SLC24A3: variants seen among roughly 807,000 people sequenced by gnomAD.
SLC24A3 encodes sodium/potassium/calcium exchanger 3.
SLC24A3 carries 28 observed loss-of-function variants against 75.8 expected under a neutral mutation model. That is an observed-to-expected ratio of 0.37 (90% CI 0.27 to 0.51). The LOEUF is 0.51. Ranked by LOEUF, SLC24A3 falls within the 20% of genes least tolerant of loss-of-function variation. SLC24A3 has a pLI of 0.94. For synonymous variants in SLC24A3, 372 were observed against 334.1 expected, an observed-to-expected ratio of 1.11 and a Z score of -1.24; for missense variants, 663 against 847.8, an observed-to-expected ratio of 0.78 and a Z score of 2.71.
chr20:19,513,736 TA>T (rs1224092846), intron 2 of SLC24A3, among the ~76,000 whole-genome samples: 1,457 of 123,286 alleles, frequency 0.012, 12 homozygotes, highest in Non-Finnish European at 0.015. Context: ...GCTTTTTTTT[TA>T]GAAAAAAAAA....
chr20:19,451,717 A>G (rs1987484162), intron 2 of SLC24A3, among the ~76,000 whole-genome samples: 1 of 152,210 alleles, frequency 6.6e-6, no homozygotes, highest in Admixed American at 6.5e-5. Context: ...AATAACTTTC[A>G]AGTGGTTTCT....
intron 2 of SLC24A3, among the ~76,000 whole-genome samples, chr20:19,371,571 T>C (rs2122357211): frequency 6.6e-6 from 1 of 152,258 alleles, no homozygotes; most frequent in East Asian, 1.9e-4. Context: ...GTCCCCCAGG[T>C]TCCTACCATT....
chr20:19,717,771 C>T (rs1460065042), intron 16 of SLC24A3, among the ~76,000 whole-genome samples, 178 bp downstream of exon 16: 1 of 152,166 alleles, frequency 6.6e-6, no homozygotes, highest in Non-Finnish European at 1.5e-5. Flanking sequence ...CACCTTCTCC[C>T]TTTCTGAAAG....
chr20:19,296,268 C>CT (rs35229035), intron 2 of SLC24A3, among the ~76,000 whole-genome samples: 4,900 of 72,182 alleles, frequency 0.068, 771 homozygotes, highest in African/African-American at 0.22. Context: ...AGCTAGTGGT[C>CT]TTTTTTTTTT....
At chr20:19,485,648 T>C (rs1421391613) in intron 2 of SLC24A3, among the ~76,000 whole-genome samples, 1 of 152,092 alleles carries the variant, frequency 6.6e-6, no homozygotes, top group Admixed American at 6.5e-5. Context: ...ATACATACAC[T>C]TTTTTAGAGT....
chr20:19,227,290 T>C (rs1237852411), intron 1 of SLC24A3, among the ~76,000 whole-genome samples: 1 of 152,230 alleles, frequency 6.6e-6, no homozygotes. Flanking sequence ...TCATATCCAG[T>C]CTTCATTTTC....
chr20:19,391,144 G>T (rs1344007845), intron 2 of SLC24A3, among the ~76,000 whole-genome samples: 1 of 152,200 alleles, frequency 6.6e-6, no homozygotes, highest in Non-Finnish European at 1.5e-5. Flanking sequence ...TCTTGTTCTG[G>T]TGTTTAACAG....
intron 3 of SLC24A3, among the ~76,000 whole-genome samples, chr20:19,548,536 AT>A (rs1347090119): frequency 6.6e-6 from 1 of 152,224 alleles, no homozygotes; most frequent in East Asian, 1.9e-4. Flanking sequence ...ACCATTTATC[AT>A]CTCAGATGTC....
chr20:19,551,290 G>A (rs911764095), intron 3 of SLC24A3, among the ~76,000 whole-genome samples: 5 of 152,222 alleles, frequency 3.3e-5, no homozygotes, highest in African/African-American at 9.6e-5. Context: ...TGAATTTGAA[G>A]TTGAGGAAGG....
intron 2 of SLC24A3, among the ~76,000 whole-genome samples, chr20:19,319,371 C>G (rs1045829241): frequency 1.3e-5 from 2 of 152,212 alleles, no homozygotes; most frequent in African/African-American, 4.8e-5. Flanking sequence ...TTCATAGGCT[C>G]TGCACCTGAA....
chr20:19,717,178 G>T (rs952745398), intron 15 of SLC24A3, among the ~76,000 whole-genome samples: 15 of 152,208 alleles, frequency 9.9e-5, no homozygotes, highest in African/African-American at 3.6e-4. Flanking sequence ...GTTCCCCAGA[G>T]GTAAAGGAAC....
intron 1 of SLC24A3, among the ~76,000 whole-genome samples, chr20:19,269,936 A>G (rs182142364): frequency 1.6e-4 from 24 of 151,762 alleles, no homozygotes; most frequent in African/African-American, 5.3e-4. Flanking sequence ...CTTCATCATG[A>G]CTCTTCTTCC....
chr20:19,631,695 T>C (rs537834594), intron 6 of SLC24A3, among the ~76,000 whole-genome samples: 11 of 152,254 alleles, frequency 7.2e-5, no homozygotes, highest in South Asian at 2.1e-4. Context: ...GTGTGCTTCC[T>C]ACTGAATGCT....
intron 10 of SLC24A3, among the ~76,000 whole-genome samples, chr20:19,683,652 A>C (rs2032639355): frequency 1.3e-5 from 2 of 152,228 alleles, no homozygotes; most frequent in African/African-American, 4.8e-5. Context: ...TATTGCTGAC[A>C]TTTGAAGGGC....
intron 2 of SLC24A3, among the ~76,000 whole-genome samples, chr20:19,461,529 CTTTTTTTTT>C (rs11468628): frequency 1.1e-4 from 11 of 101,426 alleles, no homozygotes; most frequent in South Asian, 3.8e-4. Flanking sequence ...TCTTTTTTTT[CTTTTTTTTT>C]TTTTTTTTTT....
intron 2 of SLC24A3, among the ~76,000 whole-genome samples, chr20:19,443,182 T>A (rs1371472346): frequency 6.6e-6 from 1 of 152,184 alleles, no homozygotes; most frequent in African/African-American, 2.4e-5. Flanking sequence ...CCTTACTGTA[T>A]AAACTCTGGA....
intron 1 of SLC24A3, 168 bp downstream of exon 1, chr20:19,213,152 G>A (rs1190503704): frequency 2.7e-6 from 2 of 728,488 alleles, no homozygotes; most frequent in African/African-American, 1.9e-5. Flanking sequence ...CCTGCCCCAC[G>A]CAGAGGCATG....
chr20:19,334,228 A>T (rs1169734161), intron 2 of SLC24A3, among the ~76,000 whole-genome samples: 1 of 152,204 alleles, frequency 6.6e-6, no homozygotes, highest in Non-Finnish European at 1.5e-5. Context: ...TAGCTTTCAG[A>T]GCCTGGGATG....
At chr20:19,430,709 A>G (rs1465716972) in intron 2 of SLC24A3, among the ~76,000 whole-genome samples, 1 of 151,956 alleles carries the variant, frequency 6.6e-6, no homozygotes, top group Admixed American at 6.6e-5. Flanking sequence ...CACTCAGTCA[A>G]ATTCACACAT....
Sources: allele counts gnomAD v4.1 joint callset (sites outside exome capture counted in the v4.1 genomes callset), GRCh38; gene constraint gnomAD v4.1.1; transcripts MANE v1.5; gene names NCBI Gene and HGNC (gene_info 2026-07-23, HGNC 2026-07-21).